The following ILF2 variants were observed in gnomAD, a reference collection of about 807,000 sequenced individuals.
ILF2 encodes the protein interleukin enhancer-binding factor 2.
In ILF2, 9 loss-of-function variants were observed where a neutral mutation model predicts 55.3. That is an observed-to-expected ratio of 0.16 (90% CI 0.10 to 0.28). ILF2 has a LOEUF of 0.28. Among genes scored for constraint, ILF2 ranks in the 10% least tolerant of loss-of-function variants. ILF2 has a pLI of 1.00. For synonymous variants in ILF2, 151 were observed against 161.8 expected (o/e 0.93, Z 0.50); for missense variants, 266 against 474.9 (o/e 0.56, Z 4.09).
rs1669451411 is a variant in ILF2 at position 153,670,835 on chromosome 1, T to A, written c.5+83A>T. The A allele has an allele frequency of 2.6e-6, 4 of 1,543,306 alleles. No individual in the cohort carries two copies. In the South Asian group the frequency reaches 4.5e-5, roughly 17 times the overall value. On this transcript the variant is annotated intron_variant, in intron 1 of 13. Coordinates refer to ENST00000361891, the MANE Select transcript of ILF2 (RefSeq NM_004515.4). ...CAGCCCCCGGATACATGGCCCTTTC[T>A]GATACTCCGACTTCTTTCGGCCCAC...
At chr1:153,668,288 T>C (rs1396580065) in intron 4 of ILF2, among the ~76,000 whole-genome samples, 165 bp downstream of exon 4, 1 of 152,226 alleles carries the variant, frequency 6.6e-6, no homozygotes, top group Non-Finnish European at 1.5e-5. Flanking sequence ...TGTTTATATA[T>C]CCACCTGGCT....
chr1:153,662,931 C>A, intron 12 of ILF2, 88 bp downstream of exon 12: 1 of 1,347,082 alleles, frequency 7.4e-7, no homozygotes, highest in Middle Eastern at 2.0e-4. Flanking sequence ...AATTCCTGAC[C>A]CGTAAAGACC....
chr1:153,667,787 A>C, intron 5 of ILF2, 130 bp from the exon 6 acceptor site: 1 of 714,318 alleles, frequency 1.4e-6, no homozygotes, highest in Non-Finnish European at 2.4e-6. Context: ...TCACCCCCAA[A>C]ACCACCACAT....
chr1:153,662,488 G>C lies in ILF2; in HGVS notation c.1081C>G (p.Pro361Ala), dbSNP rs1300700781. 1 of 1,613,482 alleles carries C rather than the reference G, an allele frequency of 6.2e-7. No homozygotes were observed. The highest frequency in any genetic ancestry group is 2.2e-5 in the East Asian group (1 of 44,892). Reference protein sequence around the residue: ...VTPSEKAYEKPPEKKEGEEEE... With the variant: ...VTPSEKAYEKAPEKKEGEEEE... ...TCCTCTCCTTCCTTCTTCTCTGGTG[G>C]CTTCTCATAAGCCTTTTCTGAAGGT... The change falls in exon 14 of 14, where the codon CCA becomes GCA. Residue 361 changes from proline (P) to alanine (A), a missense_variant. By Grantham distance (27) the Pro-to-Ala change is conservative. Transcript: ENST00000361891.
intron 7 of ILF2, 153 bp from the exon 8 acceptor site, chr1:153,665,489 C>CAGAT (rs376739824): frequency 1.3e-6 from 1 of 753,376 alleles, no homozygotes; most frequent in African/African-American, 1.8e-5. Flanking sequence ...GGAGATCAAA[C>CAGAT]AGATCTCCCT....
chr1:153,666,609 C>G (rs1194575618), intron 6 of ILF2, among the ~76,000 whole-genome samples: 1 of 152,196 alleles, frequency 6.6e-6, no homozygotes, highest in Non-Finnish European at 1.5e-5. Flanking sequence ...GCCTCAGCCT[C>G]CCAAAGTGCT....
chr1:153,670,324 AC>A, intron 1 of ILF2, 94 bp from the exon 2 acceptor site: 1 of 1,259,424 alleles, frequency 7.9e-7, no homozygotes, highest in Non-Finnish European at 1.2e-6. Flanking sequence ...GAACCTCCCA[AC>A]GGTAGGCAAG....
intron 5 of ILF2, 41 bp from the exon 6 acceptor site, chr1:153,667,698 A>G (rs1192767792): frequency 1.4e-6 from 2 of 1,405,314 alleles, no homozygotes; most frequent in East Asian, 2.3e-5. Context: ...ATTTAGAAGA[A>G]AAAAAGGTGC....
chr1:153,668,018 A>G lies in ILF2; in HGVS notation c.273T>C (p.Ala91=), dbSNP rs771040129. ...INNVIDNLIV[A]PGTFEVQIEE... is the part of the protein sequence containing the mutation. ...AACTCACCACTTCAAATGTCCCTGG[A>G]GCCACAATCAGATTATCAATCACAT... The change falls in exon 5 of 14, where the codon GCT becomes GCC. Residue 91 remains alanine (A), a synonymous_variant. Coordinates refer to ENST00000361891, the MANE Select transcript of ILF2 (RefSeq NM_004515.4). The G allele has an allele frequency of 6.2e-7, 1 of 1,611,790 alleles. No homozygotes were observed. The highest frequency in any genetic ancestry group is 1.1e-5 in the South Asian group (1 of 90,364).
In ILF2 at chr1:153,662,846, T is replaced by A; in HGVS notation, c.922-51A>T. The A allele has an allele frequency of 2.7e-6, 4 of 1,470,004 alleles. 1 individual carries two copies. The South Asian group carries it at 4.6e-5, about 17-fold the overall frequency. The allele number at this position is 1,470,004 out of a possible 1,614,324, so 91.1% of individuals were successfully genotyped here. A position where few individuals can be genotyped will look rare whatever the true frequency, so the allele number is the denominator to read the frequency against. On this transcript the variant is annotated intron_variant, in intron 12 of 13. Transcript: ENST00000361891. ...GCAAGGAAAATCAAAGGACCTTATT[T>A]GAGTAATACCCTTCTGAAAACAGAG...
Position 153,667,605 on chromosome 1 carries a change from G to A in ILF2, c.344C>T (p.Thr115Ile), listed in dbSNP as rs1669344935. 6.2e-7 allele frequency: 1 copy of A among 1,613,814 alleles called. No homozygotes were observed. The highest frequency in any genetic ancestry group is 1.3e-5 in the African/African-American group (1 of 75,020). Residue 115 changes from threonine (T) to isoleucine (I), a missense_variant, in exon 6 of 14, where the codon ACA becomes ATA. By Grantham distance (89) the Thr-to-Ile change is moderately conservative (BLOSUM62 -1). Coordinates refer to ENST00000361891, the MANE Select transcript of ILF2 (RefSeq NM_004515.4). The stretch of plus-strand genomic sequence containing the variant: ...CACCAGGTCAGCCACATTGTGTCCT[G>A]TAGTCATTGTCCCCTTTTTATAGGA... ...VGSYKKGTMT[T>I]GHNVADLVVI...
At chr1:153,668,591 C>A in intron 3 of ILF2, 34 bp from the exon 4 acceptor site, 1 of 1,593,268 alleles carries the variant, frequency 6.3e-7, no homozygotes, top group Non-Finnish European at 8.6e-7. Context: ...ATTCTATTTG[C>A]CGAAGATAAT....
chr1:153,669,819 T>C lies in ILF2; in HGVS notation c.108+17A>G, dbSNP rs1435580757. ...ACAGTGACCAGAAAATGTGTATCAT[T>C]AACCCAAGGTACTCACCAAATAGAA... On this transcript the variant is annotated intron_variant, in intron 3 of 13. Transcript: ENST00000361891. 1 of 1,600,096 alleles carries C rather than the reference T, an allele frequency of 6.2e-7. No individual in the cohort carries two copies. The highest frequency in any genetic ancestry group is 1.1e-5 in the South Asian group (1 of 90,788).
In ILF2 at chr1:153,663,074, T is replaced by TA; in HGVS notation, c.865_866insT (p.Asp289ValfsTer4). 6.2e-7 allele frequency: 1 copy of TA among 1,613,958 alleles called. No individual in the cohort carries two copies. The highest frequency in any genetic ancestry group is 8.5e-7 in the Non-Finnish European group (1 of 1,179,992). The stretch of plus-strand genomic sequence containing the variant: ...TCTAAAGTTGCCACTCTCACAGGGG[T>TA]CAGTGATACCCACTGAACCTGGCAG... On this transcript the variant is annotated frameshift_variant, in exon 12 of 14. Transcript: ENST00000361891. LOFTEE classifies it high-confidence loss of function.
chr1:153,670,947 A>T lies in ILF2; in HGVS notation c.-25T>A, dbSNP rs923677478. The T allele has an allele frequency of 1.9e-6, 3 of 1,614,048 alleles. No individual in the cohort carries two copies. The highest frequency in any genetic ancestry group is 2.2e-5 in the East Asian group (1 of 44,902). ...TGGCGCCTTAAAACACGAACAATGGAGGCCGCACCAACCGCCCCTTCCTCT... is the reference window on the plus strand; with the variant it reads ...TGGCGCCTTAAAACACGAACAATGGTGGCCGCACCAACCGCCCCTTCCTCT... On this transcript the variant is annotated 5_prime_UTR_variant, in exon 1 of 14. Coordinates refer to ENST00000361891, the MANE Select transcript of ILF2 (RefSeq NM_004515.4).
intron 6 of ILF2, among the ~76,000 whole-genome samples, chr1:153,666,133 C>T (rs1208441864): frequency 6.6e-6 from 1 of 152,150 alleles, no homozygotes; most frequent in Non-Finnish European, 1.5e-5. Context: ...ACTGCAGCCT[C>T]AGCCTCCCGG....
At chr1:153,665,548 A>G in intron 7 of ILF2, 115 bp downstream of exon 7, 2 of 991,438 alleles carry the variant, frequency 2.0e-6, no homozygotes, top group Non-Finnish European at 3.3e-6. Flanking sequence ...CCACAACATA[A>G]AACTCTGCAT....
At chr1:153,666,286 C>A (rs1166379063) in intron 6 of ILF2, among the ~76,000 whole-genome samples, 2 of 152,178 alleles carry the variant, frequency 1.3e-5, no homozygotes, top group Non-Finnish European at 1.5e-5. Flanking sequence ...CAGGTTCAAG[C>A]AACTCTCCTG....
chr1:153,667,850 A>T, intron 5 of ILF2, 150 bp downstream of exon 5: 3 of 674,640 alleles, frequency 4.4e-6, no homozygotes, highest in South Asian at 3.7e-5. Flanking sequence ...CTTGTCCCCA[A>T]GATCAGTACT....
Sources: gnomAD v4.1 joint callset for allele counts (sites outside exome capture counted in the v4.1 genomes callset) on GRCh38, gnomAD v4.1.1 for gene constraint, MANE v1.5 for transcripts, NCBI Gene and HGNC (gene_info 2026-07-23, HGNC 2026-07-21) for gene names.